LRP1B: variants seen among roughly 807,000 people sequenced by gnomAD.
LRP1B encodes the protein low-density lipoprotein receptor-related protein 1B.
In LRP1B, 217 loss-of-function variants were observed where a neutral mutation model predicts 556.6. That is an observed-to-expected ratio of 0.39 (90% CI 0.35 to 0.44). The LOEUF (loss-of-function observed/expected upper bound fraction) is 0.44. Ranked by LOEUF, LRP1B falls within the 20% of genes least tolerant of loss-of-function variation. The probability of loss-of-function intolerance (pLI) is 1.00; values close to 1 mark genes in which losing one functional copy is unlikely to be tolerated. For synonymous variants in LRP1B, 2,047 were observed against 1,865.8 expected (o/e 1.10, Z -2.50); for missense variants, 5,053 against 5,620.8 (o/e 0.90, Z 3.23).
chr2:141,660,804 AC>A (rs949778158), intron 2 of LRP1B, among the ~76,000 whole-genome samples: 6 of 152,126 alleles, frequency 3.9e-5, no homozygotes, highest in Non-Finnish European at 8.8e-5. Flanking sequence ...AGCGCAGTGC[AC>A]ACCTTCCACC....
intron 6 of LRP1B, among the ~76,000 whole-genome samples, chr2:141,224,802 C>T (rs971225188): frequency 4.0e-5 from 6 of 151,324 alleles, no homozygotes; most frequent in African/African-American, 1.5e-4. Flanking sequence ...GAACAACACA[C>T]ACTGAGACTG....
At chr2:141,785,058 C>T (rs528108718) in intron 2 of LRP1B, among the ~76,000 whole-genome samples, 1 of 151,946 alleles carries the variant, frequency 6.6e-6, no homozygotes, top group Non-Finnish European at 1.5e-5. Context: ...TTCCTTCTCC[C>T]TCCTAACTTC....
intron 41 of LRP1B, among the ~76,000 whole-genome samples, chr2:140,697,260 T>C (rs552598850): frequency 1.2e-4 from 19 of 152,248 alleles, no homozygotes; most frequent in African/African-American, 4.6e-4. Flanking sequence ...TTTACTACGG[T>C]TGAAACAGGA....
Position 141,195,511 on chromosome 2 carries a change from G to T in LRP1B, c.851-6928C>A, listed in dbSNP as rs1174117012. Among the ~76,000 whole-genome samples the T allele has an allele frequency of 2.0e-5, 3 of 152,216 alleles. No homozygotes were observed. In the East Asian group the frequency reaches 5.8e-4, roughly 30 times the overall value. ...TTATGCAGCAAAAGATAACTCAGTA[G>T]TCAAATCCCTGCAACTTTTAAAGAT... On this transcript the variant is annotated intron_variant, in intron 6 of 90. Transcript: ENST00000389484.
At chr2:140,502,814 A>T in intron 54 of LRP1B, 149 bp downstream of exon 54, 1 of 655,928 alleles carries the variant, frequency 1.5e-6, no homozygotes, top group South Asian at 3.3e-5. Context: ...CACAGAGTCA[A>T]TTACTAGTAC....
chr2:140,857,980 A>G (rs1573810207), intron 27 of LRP1B, among the ~76,000 whole-genome samples: 1 of 152,174 alleles, frequency 6.6e-6, no homozygotes, highest in Non-Finnish European at 1.5e-5. Context: ...TATTTTTACA[A>G]TGATTCTATA....
At chr2:141,959,667 T>C (rs990706345) in intron 1 of LRP1B, among the ~76,000 whole-genome samples, 1 of 151,984 alleles carries the variant, frequency 6.6e-6, no homozygotes, top group African/African-American at 2.4e-5. Flanking sequence ...ATAAAATACA[T>C]TTAAAATATT....
intron 1 of LRP1B, among the ~76,000 whole-genome samples, chr2:142,113,707 T>A (rs1244036381): frequency 6.6e-6 from 1 of 152,062 alleles, no homozygotes; most frequent in East Asian, 1.9e-4. Flanking sequence ...TCTGGACACT[T>A]GTTTTTATTC....
chr2:140,709,432 G>C, intron 37 of LRP1B, among the ~76,000 whole-genome samples: 1 of 150,368 alleles, frequency 6.7e-6, no homozygotes, highest in South Asian at 2.1e-4. Flanking sequence ...AAGAGGAGGA[G>C]GGGGAGGAGG....
chr2:140,742,202 C>T (rs1040086153), intron 35 of LRP1B, among the ~76,000 whole-genome samples: 2 of 152,036 alleles, frequency 1.3e-5, no homozygotes, highest in Non-Finnish European at 2.9e-5. Flanking sequence ...GTCATAGGAC[C>T]AATGTAATTG....
chr2:140,880,088 C>T (rs1573835784), intron 25 of LRP1B, among the ~76,000 whole-genome samples: 1 of 152,072 alleles, frequency 6.6e-6, no homozygotes, highest in South Asian at 2.1e-4. Context: ...ACAATTACTA[C>T]TTCTACTTTC....
At chr2:141,250,020 A>C (rs1263586967) in intron 4 of LRP1B, among the ~76,000 whole-genome samples, 1 of 152,152 alleles carries the variant, frequency 6.6e-6, no homozygotes, top group Admixed American at 6.6e-5. Context: ...AGGGGGTGAG[A>C]AAAAAAGAAA....
At chr2:140,592,764 AC>A (rs1407295980) in intron 43 of LRP1B, among the ~76,000 whole-genome samples, 1 of 152,062 alleles carries the variant, frequency 6.6e-6, no homozygotes. Flanking sequence ...AGATAGAGAG[AC>A]CCCCATCACT....
rs73964714 is a variant in LRP1B, at chr2:140,848,713, C to T, written c.4939+1389G>A. ...CCAAATTTAGGTTGAAGAGAAACTG[C>T]GTCTTTGGATATTCAGTCATGGCAA... On this transcript the variant is annotated intron_variant, in intron 29 of 90. Coordinates refer to ENST00000389484, the MANE Select transcript of LRP1B (RefSeq NM_018557.3). 4.5e-3 allele frequency among the ~76,000 whole-genome samples: 692 copies of T among 152,280 alleles called. 7 individuals carry two copies. The highest frequency in any genetic ancestry group is 0.015 in the African/African-American group (635 of 41,560).
intron 2 of LRP1B, among the ~76,000 whole-genome samples, chr2:141,585,001 C>G (rs912807581): frequency 6.6e-6 from 1 of 152,110 alleles, no homozygotes; most frequent in African/African-American, 2.4e-5. Context: ...ATATTTAACA[C>G]TACTGAACTA....
chr2:140,487,182 A>G (rs540438657), intron 58 of LRP1B, among the ~76,000 whole-genome samples: 164 of 152,044 alleles, frequency 1.1e-3, no homozygotes, highest in Non-Finnish European at 1.8e-3. Flanking sequence ...AAATGAATTC[A>G]ATTATTTACA....
chr2:141,458,066 G>GC (rs1553517469), intron 3 of LRP1B, among the ~76,000 whole-genome samples: 1 of 152,004 alleles, frequency 6.6e-6, no homozygotes, highest in African/African-American at 2.4e-5. Context: ...GTTTTGTTTT[G>GC]TTTTTTTCTT....
At chr2:141,739,432 A>C (rs114513711) in intron 2 of LRP1B, among the ~76,000 whole-genome samples, 3,794 of 152,198 alleles carry the variant, frequency 0.025, 60 homozygotes, top group Non-Finnish European at 0.037. Flanking sequence ...TTATTTCAGA[A>C]GACGAACACC....
At chr2:141,003,928 A>G (rs576299672) in intron 15 of LRP1B, among the ~76,000 whole-genome samples, 9 of 152,198 alleles carry the variant, frequency 5.9e-5, no homozygotes, top group African/African-American at 1.9e-4. Flanking sequence ...AAGAAACTCT[A>G]TTAAGATTTC....
Sources: allele counts gnomAD v4.1 joint callset (sites outside exome capture counted in the v4.1 genomes callset), GRCh38; gene constraint gnomAD v4.1.1; transcripts MANE v1.5; gene names NCBI Gene and HGNC (gene_info 2026-07-23, HGNC 2026-07-21).